The following KCNK5 variants were observed in gnomAD, a reference collection of about 807,000 sequenced individuals.
The protein encoded by KCNK5 is potassium channel subfamily K member 5.
A neutral mutation model predicts 32.9 loss-of-function variants in KCNK5; 18 were observed. That is an observed-to-expected ratio of 0.55 (90% CI 0.38 to 0.81). The LOEUF is 0.81. Ranked by LOEUF, KCNK5 falls within the 30% of genes least tolerant of loss-of-function variation. The pLI, the probability that KCNK5 is intolerant of heterozygous loss-of-function variation, is 0.00. For synonymous variants in KCNK5, 276 were observed against 275.3 expected (o/e 1.00, Z -0.03); for missense variants, 507 against 651.0 (o/e 0.78, Z 2.41).
rs752341516 is a variant in KCNK5 at position 39,194,386 on chromosome 6, C to A, written c.466-49G>T. The stretch of plus-strand genomic sequence containing the variant: ...TCAGAGAATAGTGGAGACTTGGAAA[C>A]CCAGCAAAGGCACCCAGAGGGCCAG... On this transcript the variant is annotated intron_variant, in intron 3 of 4. Coordinates refer to ENST00000359534, the MANE Select transcript of KCNK5 (RefSeq NM_003740.4). This position sits in a 1 kb window ranked among gnomAD's most constrained non-coding sequence, Gnocchi z 4.7. 6.4e-7 allele frequency: 1 copy of A among 1,554,242 alleles called. No homozygotes were observed. Among genetic ancestry groups the A allele is most frequent in the South Asian group, 1.2e-5 (1 of 80,018 alleles).
At chr6:39,195,004 A>C (rs920947361) in intron 2 of KCNK5, among the ~76,000 whole-genome samples, 2 of 152,228 alleles carry the variant, frequency 1.3e-5, no homozygotes, top group African/African-American at 4.8e-5. Context: ...AAGCCTGGTC[A>C]ACAGGTCTTC....
chr6:39,218,050 A>G (rs1480351644), intron 1 of KCNK5, among the ~76,000 whole-genome samples: 1 of 146,666 alleles, frequency 6.8e-6, no homozygotes, highest in African/African-American at 2.5e-5. Context: ...TACCATCAAG[A>G]GCTTTTTTGA....
chr6:39,194,864 A>T lies in KCNK5; in HGVS notation c.299-104T>A, dbSNP rs998713343. ...CGTTCTCTAAGATAAATTGATATTGATCTATTGTCAGTACTTAAGTAATGA... is the reference window on the plus strand; with the variant it reads ...CGTTCTCTAAGATAAATTGATATTGTTCTATTGTCAGTACTTAAGTAATGA... On this transcript the variant is annotated intron_variant, in intron 2 of 4. Coordinates refer to ENST00000359534, the MANE Select transcript of KCNK5 (RefSeq NM_003740.4). This position sits in a 1 kb window ranked among gnomAD's most constrained non-coding sequence, Gnocchi z 4.7. The T allele has an allele frequency of 1.3e-4, 125 of 931,608 alleles. No individual in the cohort carries two copies. The South Asian group carries it at 1.9e-3, about 14-fold the overall frequency. The allele number at this position is 931,608 out of a possible 1,614,324, so 57.7% of individuals were successfully genotyped here. A position where few individuals can be genotyped will look rare whatever the true frequency, so the allele number is the denominator to read the frequency against.
At chr6:39,209,802 G>T (rs767452424) in intron 1 of KCNK5, among the ~76,000 whole-genome samples, 13 of 152,190 alleles carry the variant, frequency 8.5e-5, no homozygotes, top group Non-Finnish European at 1.6e-4. Context: ...TGGAGTGAAA[G>T]AACATTTGAC....
chr6:39,221,773 T>C lies in KCNK5; in HGVS notation c.186+7153A>G, dbSNP rs117576418. ...CCAGGTCTTCCACAGGCCAAGGAGTTTGGCTACAGGCCTCAGAAAACAGAA... is the reference window on the plus strand; with the variant it reads ...CCAGGTCTTCCACAGGCCAAGGAGTCTGGCTACAGGCCTCAGAAAACAGAA... On this transcript the variant is annotated intron_variant, in intron 1 of 4. Transcript: ENST00000359534. 1.7e-3 allele frequency among the ~76,000 whole-genome samples: 253 copies of C among 152,244 alleles called. 6 individuals carry two copies. The East Asian group carries it at 0.043, about 26-fold the overall frequency.
intron 1 of KCNK5, among the ~76,000 whole-genome samples, chr6:39,196,381 T>C (rs1771031238): frequency 6.6e-6 from 1 of 152,152 alleles, no homozygotes; most frequent in African/African-American, 2.4e-5. Flanking sequence ...GACCACACTT[T>C]GAGAACCACT....
In KCNK5 at chr6:39,193,875, A is replaced by C. The variant is rs113865090; in HGVS notation, c.634+294T>G. On this transcript the variant is annotated intron_variant, in intron 4 of 4. Coordinates refer to ENST00000359534, the MANE Select transcript of KCNK5 (RefSeq NM_003740.4). ...GGCCCTACTTGCAAGTCCCCCATGA[A>C]GCCAAGCTCAGGAGTCATGGGAGAA... 9.8e-5 allele frequency among the ~76,000 whole-genome samples: 15 copies of C among 152,320 alleles called. 2 individuals are homozygous for C. Among genetic ancestry groups the C allele is most frequent in the African/African-American group, 3.6e-4 (15 of 41,568 alleles).
At position 39,202,447 on chromosome 6, in the gene KCNK5, G is replaced by A. The variant is rs1041585770; in HGVS notation, c.187-6460C>T. 2.0e-5 allele frequency among the ~76,000 whole-genome samples: 3 copies of A among 152,098 alleles called. 1 individual carries two copies. The highest frequency in any genetic ancestry group is 6.3e-3 in the Middle Eastern group (2 of 316). On this transcript the variant is annotated intron_variant, in intron 1 of 4. Transcript: ENST00000359534. The stretch of plus-strand genomic sequence containing the variant: ...GGGGATCACCAGGTTGAGAGGAGAG[G>A]GCAGGGGGCAGGAGCTGGGGAAGGG...
At position 39,192,283 on chromosome 6, in the gene KCNK5, CAAAAAAAAAA is replaced by C. The variant is rs1226626372; in HGVS notation, c.635-538_635-529del. 1.0e-3 allele frequency among the ~76,000 whole-genome samples: 48 copies of C among 46,720 alleles called. 1 individual carries two copies. Among genetic ancestry groups the C allele is most frequent in the African/African-American group, 4.1e-3 (40 of 9,756 alleles). The allele number at this position is 46,720 out of a possible 152,430, so 30.7% of individuals were successfully genotyped here. The stretch of plus-strand genomic sequence containing the variant: ...TGGGCAGCAGACAGAGACTCCGTCT[CAAAAAAAAAA>C]AAAAAAAAAAAAAAAGTCAAGACAG... On this transcript the variant is annotated intron_variant, in intron 4 of 4. Transcript: ENST00000359534.
At chr6:39,211,197 C>G (rs991887536) in intron 1 of KCNK5, among the ~76,000 whole-genome samples, 1 of 152,134 alleles carries the variant, frequency 6.6e-6, no homozygotes, top group African/African-American at 2.4e-5. Context: ...GGTGCTTCCC[C>G]GCAGAGTGGG....
Position 39,190,924 on chromosome 6 carries a change from T to C in KCNK5, c.1466A>G (p.Glu489Gly). The C allele has an allele frequency of 6.7e-7, 1 of 1,484,528 alleles. No individual in the cohort carries two copies. Among genetic ancestry groups the C allele is most frequent in the African/African-American group, 1.4e-5 (1 of 70,908 alleles). 92.0% of individuals were successfully genotyped at this position (1,484,528 alleles called of 1,614,324 possible). The part of the protein sequence containing the change: ...LSVPYEQLMN[E>G]YNKANSPKGT ...CTTGGGGCTGTTAGCCTTGTTGTAC[T>C]CATTCATCAGCTGTTCGTAAGGCAC... is the stretch of plus-strand genomic sequence containing the variant. Residue 489 changes from glutamate to glycine, a missense_variant, in exon 5 of 5, where the codon GAG (glutamate) becomes GGG (glycine). Transcript: ENST00000359534.
chr6:39,214,736 A>T (rs1336991380), intron 1 of KCNK5, among the ~76,000 whole-genome samples: 1 of 152,138 alleles, frequency 6.6e-6, no homozygotes, highest in Non-Finnish European at 1.5e-5. Flanking sequence ...GGGAGCCTAG[A>T]GAGCAATGCA....
Position 39,194,810 on chromosome 6 carries a change from T to C in KCNK5, c.299-50A>G, listed in dbSNP as rs1343077744. The C allele has an allele frequency of 1.3e-6, 2 of 1,552,520 alleles. No individual in the cohort carries two copies. Among genetic ancestry groups the C allele is most frequent in the Middle Eastern group, 1.7e-4 (1 of 5,840 alleles). ...AGAACAGGAGGGGTGGTCAAACCAG[T>C]GGGCCTTGCTTCCAACACACACACA... On this transcript the variant is annotated intron_variant, in intron 2 of 4. Transcript: ENST00000359534. The surrounding 1 kb of genome is among the most constrained non-coding windows in gnomAD (Gnocchi z 4.7).
intron 1 of KCNK5, among the ~76,000 whole-genome samples, chr6:39,219,907 T>C (rs1288033394): frequency 6.6e-6 from 1 of 151,914 alleles, no homozygotes; most frequent in African/African-American, 2.4e-5. Context: ...ACTCCAAGCC[T>C]TTCTGAATGA....
At chr6:39,200,815 AT>A (rs1274655395) in intron 1 of KCNK5, among the ~76,000 whole-genome samples, 1 of 151,784 alleles carries the variant, frequency 6.6e-6, no homozygotes, top group African/African-American at 2.4e-5. Flanking sequence ...ACTCCCAGAC[AT>A]CCCCTCATCC....
At position 39,189,739 on chromosome 6, in the gene KCNK5, C is replaced by G. The variant is rs140891063; in HGVS notation, c.*1151G>C. 6.5e-6 allele frequency: 1 copy of G among 152,686 alleles called. No homozygotes were observed. The highest frequency in any genetic ancestry group is 1.5e-5 in the Non-Finnish European group (1 of 68,066). The allele number at this position is 152,686 out of a possible 1,614,324, so 9.5% of individuals were successfully genotyped here. A position where few individuals can be genotyped will look rare whatever the true frequency, so the allele number is the denominator to read the frequency against. ...AATCCTTTCCTTTCTTAAACACACA[C>G]GAGTGCACAGGTGTGCGTGTGCACA... On this transcript the variant is annotated 3_prime_UTR_variant, in exon 5 of 5. Coordinates refer to ENST00000359534, the MANE Select transcript of KCNK5 (RefSeq NM_003740.4).
chr6:39,220,450 C>T (rs1771524603), intron 1 of KCNK5, among the ~76,000 whole-genome samples: 1 of 152,172 alleles, frequency 6.6e-6, no homozygotes. Context: ...ATCCCAGACC[C>T]TGGGTAACCA....
rs1554184765 is a variant in KCNK5, at chr6:39,194,133, C to CAGA, written c.634+33_634+35dup. 1.2e-6 allele frequency: 2 copies of CAGA among 1,612,972 alleles called. No homozygotes were observed. The highest frequency in any genetic ancestry group is 2.7e-5 in the African/African-American group (2 of 75,000). ...GTCTGTTGCACTGAAACCAAAGAAG[C>CAGA]AGAAAAAGAGGTGGGAGGCAGAGGC... is the stretch of plus-strand genomic sequence containing the variant. On this transcript the variant is annotated intron_variant, in intron 4 of 4. Coordinates refer to ENST00000359534, the MANE Select transcript of KCNK5 (RefSeq NM_003740.4). The surrounding 1 kb of genome is among the most constrained non-coding windows in gnomAD (Gnocchi z 4.7).
intron 1 of KCNK5, among the ~76,000 whole-genome samples, chr6:39,218,587 T>C (rs1022514864): frequency 6.6e-6 from 1 of 151,924 alleles, no homozygotes; most frequent in South Asian, 2.1e-4. Context: ...ACAAAAGTCA[T>C]AGAAGGGAGG....
Sources: allele counts gnomAD v4.1 joint callset (sites outside exome capture counted in the v4.1 genomes callset), GRCh38; gene constraint gnomAD v4.1.1; non-coding constraint Gnocchi (gnomAD v3.1); transcripts MANE v1.5; gene names NCBI Gene and HGNC (gene_info 2026-07-23, HGNC 2026-07-21).